CDH13: variants seen among roughly 807,000 people sequenced by gnomAD.
The protein encoded by CDH13 is cadherin-13.
A neutral mutation model predicts 63.8 loss-of-function variants in CDH13; 24 were observed. The ratio of observed to expected loss-of-function variants is 0.38; its 90% CI spans 0.27 to 0.53. CDH13 has a LOEUF of 0.53. CDH13 is among the 20% of genes least tolerant of loss of function. CDH13 has a pLI of 0.85. For synonymous variants in CDH13, 503 were observed against 355.3 expected (o/e 1.42, Z -4.67); for missense variants, 1,049 against 903.1 (o/e 1.16, Z -2.07).
intron 1 of CDH13, among the ~76,000 whole-genome samples, chr16:82,636,326 G>A (rs1908652038): frequency 6.6e-6 from 1 of 152,004 alleles, no homozygotes; most frequent in Non-Finnish European, 1.5e-5. Flanking sequence ...ACGTTCCTGG[G>A]AGAGGCACCT....
At chr16:83,334,092 A>G (rs933051211) in intron 5 of CDH13, among the ~76,000 whole-genome samples, 2 of 151,988 alleles carry the variant, frequency 1.3e-5, no homozygotes, top group Non-Finnish European at 2.9e-5. Flanking sequence ...TCCTGGCCTC[A>G]TGGTACCTTT....
intron 8 of CDH13, among the ~76,000 whole-genome samples, chr16:83,623,716 G>A (rs909334320): frequency 6.6e-6 from 1 of 152,126 alleles, no homozygotes; most frequent in Non-Finnish European, 1.5e-5. Context: ...CTCACATCAT[G>A]GGCACTGGAC....
At chr16:83,372,746 G>C (rs1159684088) in intron 6 of CDH13, among the ~76,000 whole-genome samples, 2 of 110,390 alleles carry the variant, frequency 1.8e-5, no homozygotes, top group East Asian at 4.4e-4. Flanking sequence ...GCGAGACTCG[G>C]TCTAAAAAAA....
chr16:83,146,599 G>T (rs181008964), intron 4 of CDH13, among the ~76,000 whole-genome samples: 74 of 152,324 alleles, frequency 4.9e-4, no homozygotes, highest in African/African-American at 1.8e-3. Flanking sequence ...CAGAAACTTT[G>T]AGCAGTTATA....
chr16:83,551,987 A>G (rs1454581638), intron 7 of CDH13, among the ~76,000 whole-genome samples: 1 of 152,164 alleles, frequency 6.6e-6, no homozygotes, highest in Non-Finnish European at 1.5e-5. Context: ...TTAATAAGTA[A>G]TGGGTTAGAT....
chr16:83,681,618 C>T (rs1356192400), intron 10 of CDH13, among the ~76,000 whole-genome samples: 1 of 152,278 alleles, frequency 6.6e-6, no homozygotes, highest in East Asian at 1.9e-4. Context: ...TTCCCCTCCA[C>T]CCCTCTCCTC....
chr16:82,769,358 T>C (rs930006061), intron 1 of CDH13, among the ~76,000 whole-genome samples: 3 of 152,146 alleles, frequency 2.0e-5, no homozygotes, highest in Non-Finnish European at 2.9e-5. Context: ...TGTAAATGGC[T>C]TCATCAAAAA....
At chr16:83,794,950 T>C in intron 13 of CDH13, 73 bp from the exon 14 acceptor site, 1 of 1,398,942 alleles carries the variant, frequency 7.1e-7, no homozygotes. Flanking sequence ...CTGTCATTTT[T>C]CTGGCTTTTA....
At chr16:83,703,558 C>T (rs1021778286) in intron 10 of CDH13, among the ~76,000 whole-genome samples, 4 of 152,168 alleles carry the variant, frequency 2.6e-5, no homozygotes, top group East Asian at 1.9e-4. Context: ...ACAAATCACA[C>T]GTGGAGAAGA....
At chr16:82,735,645 G>C (rs1026025535) in intron 1 of CDH13, among the ~76,000 whole-genome samples, 1 of 152,206 alleles carries the variant, frequency 6.6e-6, no homozygotes, top group Non-Finnish European at 1.5e-5. Flanking sequence ...GTGTCTATGA[G>C]CTGTGTGGGG....
chr16:83,458,101 CAG>C (rs2073073147), intron 6 of CDH13, among the ~76,000 whole-genome samples: 1 of 152,130 alleles, frequency 6.6e-6, no homozygotes, highest in South Asian at 2.1e-4. Flanking sequence ...ACGCTCCTAA[CAG>C]AGAGCTTCCA....
At chr16:83,726,308 G>A (rs1453488981) in intron 10 of CDH13, 1 of 152,204 alleles carries the variant, frequency 6.6e-6, no homozygotes, top group African/African-American at 2.4e-5. Flanking sequence ...CACAGGCCAA[G>A]TTTGTGACAA....
chr16:83,471,599 C>T (rs947618543), intron 6 of CDH13, among the ~76,000 whole-genome samples: 1 of 152,178 alleles, frequency 6.6e-6, no homozygotes, highest in Admixed American at 6.5e-5. Context: ...TTATGCCTGC[C>T]TTTGTAACTG....
At chr16:83,004,963 G>C (rs1264320560) in intron 2 of CDH13, among the ~76,000 whole-genome samples, 3 of 152,188 alleles carry the variant, frequency 2.0e-5, no homozygotes, top group Non-Finnish European at 4.4e-5. Context: ...GTAGGAAACA[G>C]ACTGGGAGGA....
intron 2 of CDH13, among the ~76,000 whole-genome samples, chr16:83,030,247 C>G (rs66800366): frequency 0.1 from 15,435 of 152,222 alleles, 880 homozygotes; most frequent in African/African-American, 0.15. Context: ...TTTGATGCAA[C>G]ACTGAACTCG....
chr16:83,083,520 G>T (rs780541799), intron 3 of CDH13, among the ~76,000 whole-genome samples: 1 of 152,180 alleles, frequency 6.6e-6, no homozygotes, highest in Admixed American at 6.5e-5. Flanking sequence ...GACATGCCCA[G>T]TATCACAGAG....
chr16:82,652,502 G>C (rs886865403), intron 1 of CDH13, among the ~76,000 whole-genome samples: 3 of 152,186 alleles, frequency 2.0e-5, no homozygotes, highest in African/African-American at 7.2e-5. Context: ...TTTGAAGTTT[G>C]CTCAGTGATA....
intron 7 of CDH13, among the ~76,000 whole-genome samples, chr16:83,553,530 G>A (rs1167359895): frequency 6.6e-6 from 1 of 152,046 alleles, no homozygotes; most frequent in African/African-American, 2.4e-5. Flanking sequence ...TGCCCTGTAG[G>A]AATCAAAGTG....
intron 3 of CDH13, among the ~76,000 whole-genome samples, chr16:83,063,703 A>C (rs2031773191): frequency 6.6e-6 from 1 of 152,158 alleles, no homozygotes; most frequent in Non-Finnish European, 1.5e-5. Flanking sequence ...AAACAACACA[A>C]ATTTATTCTG....
Sources: gnomAD v4.1 joint callset for allele counts (sites outside exome capture counted in the v4.1 genomes callset) on GRCh38, gnomAD v4.1.1 for gene constraint, MANE v1.5 for transcripts, NCBI Gene and HGNC (gene_info 2026-07-23, HGNC 2026-07-21) for gene names.